The following RAB7A variants were observed in gnomAD, a reference collection of about 807,000 sequenced individuals.
RAB7A encodes RAB7A, member RAS oncogene family.
A neutral mutation model predicts 24.5 loss-of-function variants in RAB7A; 2 were observed. The observed-to-expected ratio is 0.08, with a 90% CI of 0.03 to 0.26. RAB7A has a LOEUF of 0.26. RAB7A is among the 10% of genes least tolerant of loss of function. The probability of loss-of-function intolerance (pLI) is 1.00; values close to 1 mark genes in which losing one functional copy is unlikely to be tolerated. For missense variants in RAB7A, 118 were observed against 255.7 expected (o/e 0.46, Z 3.67); for synonymous variants, 100 against 95.9 (o/e 1.04, Z -0.25).
intron 1 of RAB7A, among the ~76,000 whole-genome samples, chr3:128,777,886 G>A (rs141046465): frequency 0.013 from 1,939 of 152,204 alleles, 39 homozygotes; most frequent in African/African-American, 0.044. Context: ...GCTAATTTTT[G>A]TATTTTTAGT....
At position 128,813,597 on chromosome 3, in the gene RAB7A, A is replaced by G. The variant is rs1303516654; in HGVS notation, c.*175A>G. 8.5e-6 allele frequency: 5 copies of G among 591,424 alleles called. No individual in the cohort carries two copies. The East Asian group carries it at 1.4e-4, about 17-fold the overall frequency. 36.6% of individuals were successfully genotyped at this position (591,424 alleles called of 1,614,324 possible). On this transcript the variant is annotated 3_prime_UTR_variant, in exon 6 of 6. Coordinates refer to ENST00000265062, the MANE Select transcript of RAB7A (RefSeq NM_004637.6). ...CCCCACATATCTCTCACACACACACACACACGCACACACACACACACAGAT... is the reference window on the plus strand; with the variant it reads ...CCCCACATATCTCTCACACACACACGCACACGCACACACACACACACAGAT...
chr3:128,737,154 C>T (rs2070497506), intron 1 of RAB7A, among the ~76,000 whole-genome samples: 1 of 151,768 alleles, frequency 6.6e-6, no homozygotes, highest in Non-Finnish European at 1.5e-5. Flanking sequence ...TCTCCTGCCT[C>T]AGCTTCCCGA....
chr3:128,730,352 C>T (rs1386802245), intron 1 of RAB7A, among the ~76,000 whole-genome samples: 1 of 152,026 alleles, frequency 6.6e-6, no homozygotes, highest in Non-Finnish European at 1.5e-5. Flanking sequence ...GCCTCAGCCT[C>T]CCGAGTAGCT....
intron 1 of RAB7A, among the ~76,000 whole-genome samples, chr3:128,794,932 A>C (rs750802716): frequency 6.6e-6 from 1 of 152,056 alleles, no homozygotes; most frequent in Non-Finnish European, 1.5e-5. Context: ...AAGGAAAAGC[A>C]AGCAGAGTAA....
intron 1 of RAB7A, among the ~76,000 whole-genome samples, chr3:128,728,294 GTTC>G (rs2070400128): frequency 6.6e-6 from 1 of 152,186 alleles, no homozygotes; most frequent in Non-Finnish European, 1.5e-5. Flanking sequence ...AAAGGATGGT[GTTC>G]TTCTGGCTAA....
intron 2 of RAB7A, 139 bp downstream of exon 2, chr3:128,795,559 AT>A: frequency 1.3e-6 from 1 of 784,926 alleles, no homozygotes; most frequent in Non-Finnish European, 2.3e-6. Context: ...CACGGCAGAA[AT>A]TTAGATGATC....
chr3:128,776,363 A>G (rs1933086534), intron 1 of RAB7A, among the ~76,000 whole-genome samples: 4 of 151,858 alleles, frequency 2.6e-5, no homozygotes, highest in Non-Finnish European at 5.9e-5. Flanking sequence ...TGGGTCTCCC[A>G]GGCTCAAGTG....
intron 1 of RAB7A, among the ~76,000 whole-genome samples, chr3:128,786,042 C>T (rs1360722521): frequency 2.6e-5 from 4 of 152,200 alleles, no homozygotes; most frequent in Non-Finnish European, 5.9e-5. Flanking sequence ...TGTCAGACTA[C>T]TGGTCTTTCT....
chr3:128,765,027 T>C (rs1360335545), intron 1 of RAB7A: 2 of 1,473,624 alleles, frequency 1.4e-6, no homozygotes, highest in Non-Finnish European at 1.9e-6. Flanking sequence ...TGGCAGCAAC[T>C]AAGGAGAGGT....
intron 1 of RAB7A, among the ~76,000 whole-genome samples, chr3:128,751,057 T>A (rs955504125): frequency 3.9e-5 from 6 of 152,228 alleles, no homozygotes; most frequent in African/African-American, 1.4e-4. Flanking sequence ...TGGGAACCTC[T>A]GCCTAGATTT....
At chr3:128,748,098 A>C (rs966065752) in intron 1 of RAB7A, among the ~76,000 whole-genome samples, 2 of 152,140 alleles carry the variant, frequency 1.3e-5, no homozygotes, top group African/African-American at 2.4e-5. Context: ...AAGTTTGACA[A>C]ACATCCTAGA....
chr3:128,783,248 T>G (rs1933260821), intron 1 of RAB7A, among the ~76,000 whole-genome samples: 1 of 92,786 alleles, frequency 1.1e-5, no homozygotes, highest in African/African-American at 4.2e-5. Context: ...ACCTGCTCTA[T>G]CCTCCTCCTG....
At chr3:128,745,554 C>T (rs913061512) in intron 1 of RAB7A, among the ~76,000 whole-genome samples, 9 of 152,170 alleles carry the variant, frequency 5.9e-5, no homozygotes, top group Middle Eastern at 3.4e-3. Flanking sequence ...TTAGTAGAGA[C>T]GGGGTTTCGC....
intron 1 of RAB7A, among the ~76,000 whole-genome samples, chr3:128,787,940 C>G (rs999230346): frequency 3.3e-5 from 5 of 152,224 alleles, no homozygotes; most frequent in Non-Finnish European, 7.3e-5. Context: ...CTCAAAACTC[C>G]TGGCCTTAAG....
intron 1 of RAB7A, among the ~76,000 whole-genome samples, chr3:128,774,201 TAAAAA>T (rs796939918): frequency 7.5e-6 from 1 of 132,866 alleles, no homozygotes; most frequent in African/African-American, 2.8e-5. Context: ...AAAAAAAAAT[TAAAAA>T]AAAAAAAAGC....
chr3:128,798,207 T>G, intron 3 of RAB7A, 138 bp downstream of exon 3: 1 of 1,147,314 alleles, frequency 8.7e-7, no homozygotes, highest in Non-Finnish European at 1.3e-6. Flanking sequence ...GATACTCAGT[T>G]AAATTTGAAT....
intron 1 of RAB7A, among the ~76,000 whole-genome samples, chr3:128,791,600 C>A (rs1482639813): frequency 6.6e-6 from 1 of 152,206 alleles, no homozygotes; most frequent in African/African-American, 2.4e-5. Context: ...TGTTTCTGGG[C>A]ATGGTCCTTG....
intron 1 of RAB7A, among the ~76,000 whole-genome samples, chr3:128,751,994 T>C (rs1048036105): frequency 2.6e-5 from 4 of 152,188 alleles, no homozygotes; most frequent in African/African-American, 7.2e-5. Context: ...GACTTGCTCC[T>C]CCTTGCCCTC....
At chr3:128,726,592 A>C (rs1015809725) in intron 1 of RAB7A, among the ~76,000 whole-genome samples, 11 of 152,092 alleles carry the variant, frequency 7.2e-5, no homozygotes, top group African/African-American at 2.7e-4. Flanking sequence ...CGCCCCGGCC[A>C]CCCGTCTCGG....
Sources: gnomAD v4.1 joint callset for allele counts (sites outside exome capture counted in the v4.1 genomes callset) on GRCh38, gnomAD v4.1.1 for gene constraint, MANE v1.5 for transcripts, NCBI Gene and HGNC (gene_info 2026-07-23, HGNC 2026-07-21) for gene names.